Variants in SLIT3 observed in about 807,000 individuals in gnomAD.
SLIT3 encodes the protein slit homolog 3 protein.
A neutral mutation model predicts 184.0 loss-of-function variants in SLIT3; 68 were observed. The observed-to-expected ratio is 0.37, with a 90% confidence interval of 0.30 to 0.45. The LOEUF is 0.45. Ranked by LOEUF, SLIT3 falls within the 20% of genes least tolerant of loss-of-function variation. The probability of loss-of-function intolerance (pLI) is 1.00; values close to 1 mark genes in which losing one functional copy is unlikely to be tolerated. For synonymous variants in SLIT3, 831 were observed against 828.6 expected (o/e 1.00, Z -0.05); for missense variants, 1,707 against 2,026.0 (o/e 0.84, Z 3.02).
intron 4 of SLIT3, among the ~76,000 whole-genome samples, chr5:168,892,102 C>T (rs1452171790): frequency 6.6e-6 from 1 of 152,086 alleles, no homozygotes; most frequent in Non-Finnish European, 1.5e-5. Flanking sequence ...AAATATATCA[C>T]AAGCCAAGAA....
intron 4 of SLIT3, among the ~76,000 whole-genome samples, chr5:168,992,415 CT>C (rs1446242503): frequency 6.6e-6 from 1 of 152,210 alleles, no homozygotes; most frequent in Non-Finnish European, 1.5e-5. Context: ...CTGAGGTTTA[CT>C]TTTACTTTAT....
At chr5:168,999,651 A>G (rs989485761) in intron 4 of SLIT3, among the ~76,000 whole-genome samples, 1 of 152,166 alleles carries the variant, frequency 6.6e-6, no homozygotes, top group African/African-American at 2.4e-5. Flanking sequence ...CAGTGTCCCT[A>G]TAGGGTGAGA....
At chr5:169,241,344 T>C (rs1180104813) in intron 3 of SLIT3, among the ~76,000 whole-genome samples, 1 of 152,202 alleles carries the variant, frequency 6.6e-6, no homozygotes, top group Non-Finnish European at 1.5e-5. Flanking sequence ...CATGAGATGG[T>C]ATATGTAAAG....
intron 23 of SLIT3, 139 bp from the exon 24 acceptor site, chr5:168,712,493 C>G (rs985046561): frequency 2.8e-6 from 2 of 708,348 alleles, no homozygotes; most frequent in African/African-American, 3.5e-5. Flanking sequence ...CTGCTGCCCC[C>G]TTTGCTCTGG....
At chr5:169,070,717 T>G (rs1039435992) in intron 4 of SLIT3, among the ~76,000 whole-genome samples, 1 of 151,428 alleles carries the variant, frequency 6.6e-6, no homozygotes, top group Admixed American at 6.6e-5. Flanking sequence ...ATTCACCACT[T>G]GAGTTCCCAA....
intron 10 of SLIT3, chr5:168,791,574 T>G (rs1223311410): frequency 6.6e-6 from 1 of 152,244 alleles, no homozygotes; most frequent in African/African-American, 2.4e-5. Context: ...GTTCTACTCT[T>G]TCCTCCTTTT....
At chr5:169,140,796 T>G (rs1399183091) in intron 4 of SLIT3, among the ~76,000 whole-genome samples, 2 of 152,110 alleles carry the variant, frequency 1.3e-5, no homozygotes, top group Non-Finnish European at 2.9e-5. Flanking sequence ...TGAGAGACCC[T>G]CTCTCAAAAA....
chr5:168,683,920 G>A, intron 32 of SLIT3, 46 bp downstream of exon 32: 2 of 1,410,404 alleles, frequency 1.4e-6, no homozygotes, highest in Non-Finnish European at 9.4e-7. Context: ...GAGGCAGAAG[G>A]ATGCGGAGGA....
At chr5:168,984,397 C>A (rs570658984) in intron 4 of SLIT3, among the ~76,000 whole-genome samples, 1 of 152,180 alleles carries the variant, frequency 6.6e-6, no homozygotes, top group Non-Finnish European at 1.5e-5. Flanking sequence ...GCTACCCCAT[C>A]TGAATTGCCC....
chr5:169,149,660 A>G (rs1011055058), intron 4 of SLIT3, among the ~76,000 whole-genome samples: 9 of 152,222 alleles, frequency 5.9e-5, no homozygotes, highest in Non-Finnish European at 8.8e-5. Context: ...AAGGGCATGA[A>G]TAACGTAAAA....
chr5:169,267,869 TTAAG>T (rs1229812730), intron 1 of SLIT3, among the ~76,000 whole-genome samples: 1 of 152,152 alleles, frequency 6.6e-6, no homozygotes, highest in Admixed American at 6.5e-5. Flanking sequence ...CACATCTTGG[TTAAG>T]TGTCATTTTC....
intron 4 of SLIT3, among the ~76,000 whole-genome samples, chr5:169,014,096 A>C (rs144833776): frequency 8.0e-5 from 12 of 150,216 alleles, no homozygotes; most frequent in African/African-American, 1.2e-4. Context: ...TGTGGGAAGG[A>C]AGGCAGGCAG....
intron 3 of SLIT3, among the ~76,000 whole-genome samples, chr5:169,227,015 GTGTT>G (rs1428743784): frequency 2.6e-5 from 4 of 152,136 alleles, no homozygotes; most frequent in African/African-American, 4.8e-5. Flanking sequence ...CCCCCACACT[GTGTT>G]TGTGTCTGGG....
chr5:169,228,038 G>A (rs1463911156), intron 3 of SLIT3, among the ~76,000 whole-genome samples: 1 of 152,172 alleles, frequency 6.6e-6, no homozygotes. Context: ...AGGCCTGATG[G>A]CATGTTTTTT....
In SLIT3 at chr5:168,663,854, A is replaced by C. The variant is rs1760948736; in HGVS notation, c.*2600T>G. On this transcript the variant is annotated 3_prime_UTR_variant, in exon 36 of 36. Coordinates refer to ENST00000519560, the MANE Select transcript of SLIT3 (RefSeq NM_003062.4). ...AGCCACTTCCATTGCTTGTATTGCCACTTAAGAGCTCCTTGTGTAATAAGG... is the reference window on the plus strand; with the variant it reads ...AGCCACTTCCATTGCTTGTATTGCCCCTTAAGAGCTCCTTGTGTAATAAGG... The C allele has an allele frequency of 6.6e-6, 1 of 152,162 alleles. No homozygotes were observed. Among genetic ancestry groups the C allele is most frequent in the African/African-American group, 2.4e-5 (1 of 41,422 alleles). The allele number at this position is 152,162 out of a possible 1,614,324, so 9.4% of individuals were successfully genotyped here. A position where few individuals can be genotyped will look rare whatever the true frequency, so the allele number is the denominator to read the frequency against.
chr5:168,919,349 T>A (rs1055301995), intron 4 of SLIT3, among the ~76,000 whole-genome samples: 7 of 152,110 alleles, frequency 4.6e-5, no homozygotes, highest in Admixed American at 2.6e-4. Context: ...ACAATTTAAA[T>A]CTCTATCAAT....
chr5:168,747,775 A>C (rs1317301998), intron 20 of SLIT3, among the ~76,000 whole-genome samples: 1 of 152,100 alleles, frequency 6.6e-6, no homozygotes, highest in Non-Finnish European at 1.5e-5. Context: ...CTGTTCTGAG[A>C]ATGAATGGGA....
chr5:169,028,010 G>A (rs112760314), intron 4 of SLIT3, among the ~76,000 whole-genome samples: 1 of 152,044 alleles, frequency 6.6e-6, no homozygotes, highest in African/African-American at 2.4e-5. Flanking sequence ...GAGCTGAGAC[G>A]GGCTGCTTCC....
At chr5:169,004,995 T>C (rs75150922) in intron 4 of SLIT3, among the ~76,000 whole-genome samples, 5,551 of 152,348 alleles carry the variant, frequency 0.036, 127 homozygotes, top group Middle Eastern at 0.065. Context: ...TCTTCTTTTT[T>C]ACAAATTGAG....
Sources: allele counts gnomAD v4.1 joint callset (sites outside exome capture counted in the v4.1 genomes callset), GRCh38; gene constraint gnomAD v4.1.1; transcripts MANE v1.5; gene names NCBI Gene and HGNC (gene_info 2026-07-23, HGNC 2026-07-21).